Variants in CELF2 observed in about 807,000 individuals in gnomAD.
The protein encoded by CELF2 is CUG triplet repeat RNA-binding protein 2.
CELF2 carries 8 observed loss-of-function variants against 62.6 expected under a neutral mutation model. The ratio of observed to expected loss-of-function variants is 0.13; its 90% CI spans 0.07 to 0.23. The LOEUF is 0.23. CELF2 is among the 10% of genes least tolerant of loss of function. The pLI is 1.00. For missense variants in CELF2, 333 were observed against 671.0 expected (o/e 0.50, Z 5.56); for synonymous variants, 258 against 250.0 (o/e 1.03, Z -0.30).
upstream of CELF2, among the ~76,000 whole-genome samples, chr10:11,004,301 C>T (rs955082538): frequency 6.6e-6 from 1 of 152,170 alleles, no homozygotes; most frequent in East Asian, 1.9e-4. The surrounding 1 kb of genome is among the most constrained non-coding windows in gnomAD (Gnocchi z 5.0). Context: ...TCCATCCAAG[C>T]TGAGCGCATT....
intron 2 of CELF2, among the ~76,000 whole-genome samples, chr10:10,932,409 C>A (rs2066169655): frequency 6.6e-6 from 1 of 151,846 alleles, no homozygotes; most frequent in African/African-American, 2.4e-5. Context: ...ATGTTCTCAT[C>A]ACAAAAAAAG....
chr10:11,276,168 A>G (rs1398549316), intron 8 of CELF2, among the ~76,000 whole-genome samples: 1 of 151,814 alleles, frequency 6.6e-6, no homozygotes, highest in Non-Finnish European at 1.5e-5. Flanking sequence ...TTTCACTTCA[A>G]ATGAATCTGG....
the CELF2 span, among the ~76,000 whole-genome samples, chr10:10,468,985 G>C: frequency 7.2e-5 from 11 of 151,924 alleles, no homozygotes; most frequent in African/African-American, 2.7e-4. Context: ...TTTATAAAAA[G>C]TTAGTATGAA....
In CELF2 at chr10:11,223,781, T is replaced by C. The variant is rs76474129; in HGVS notation, c.354+6274T>C. On this transcript the variant is annotated intron_variant, in intron 3 of 12. Transcript: ENST00000633077. This position sits in a 1 kb window ranked among gnomAD's most constrained non-coding sequence, Gnocchi z 5.1. ...ATGGCTCCCAGCTGAGCGGTATAGA[T>C]CCAGGAGAGGATATCGGAGGATGGA... is the stretch of plus-strand genomic sequence containing the variant. Among the ~76,000 whole-genome samples the C allele has an allele frequency of 0.067, 10,172 of 152,108 alleles. 514 individuals are homozygous for C. Among genetic ancestry groups the C allele is most frequent in the African/African-American group, 0.14 (5,842 of 41,472 alleles).
Position 11,157,319 on chromosome 10 carries a change from C to T in CELF2, c.75-8167C>T, listed in dbSNP as rs562420410. ...CCTTTTTCTCCCCAGTTTTTTGTTT[C>T]GTTTCAATGCCATTGCCAACTAGGT... is the stretch of plus-strand genomic sequence containing the variant. On this transcript the variant is annotated intron_variant, in intron 1 of 12. Coordinates refer to ENST00000633077, the MANE Select transcript of CELF2 (RefSeq NM_001326342.2). This position sits in a 1 kb window ranked among gnomAD's most constrained non-coding sequence, Gnocchi z 4.9. Among the ~76,000 whole-genome samples, 23 of 152,186 alleles carry T rather than the reference C, an allele frequency of 1.5e-4. No homozygotes were observed. In the South Asian group the frequency reaches 4.6e-3, roughly 30 times the overall value.
At chr10:10,706,287 C>A in the CELF2 span, among the ~76,000 whole-genome samples, 1 of 152,174 alleles carries the variant, frequency 6.6e-6, no homozygotes, top group African/African-American at 2.4e-5. Flanking sequence ...TCACACAGTA[C>A]CTAGCTGGCA....
the CELF2 span, among the ~76,000 whole-genome samples, chr10:10,755,515 C>T: frequency 6.6e-6 from 1 of 152,222 alleles, no homozygotes; most frequent in Non-Finnish European, 1.5e-5. Context: ...CTCTGCTCTC[C>T]TGCGTCTGCT....
At chr10:10,632,242 T>C in the CELF2 span, among the ~76,000 whole-genome samples, 1 of 152,178 alleles carries the variant, frequency 6.6e-6, no homozygotes, top group African/African-American at 2.4e-5. Flanking sequence ...GAATCCCTCA[T>C]AGAGACAGAT....
the CELF2 span, among the ~76,000 whole-genome samples, chr10:10,699,580 TAGAC>T: frequency 2.6e-5 from 4 of 152,128 alleles, no homozygotes; most frequent in Non-Finnish European, 4.4e-5. Flanking sequence ...GTTATCTAGG[TAGAC>T]AGACAGTGTG....
At chr10:10,974,077 A>G (rs2051065793) in intron 2 of CELF2, among the ~76,000 whole-genome samples, 1 of 152,190 alleles carries the variant, frequency 6.6e-6, no homozygotes, top group Non-Finnish European at 1.5e-5. Context: ...CTCCCACTTT[A>G]GTTAGGGTGA....
intron 8 of CELF2, among the ~76,000 whole-genome samples, chr10:11,277,285 G>C (rs889230531): frequency 6.6e-6 from 1 of 152,160 alleles, no homozygotes; most frequent in Non-Finnish European, 1.5e-5. Flanking sequence ...CCATCAATCT[G>C]TGCACATGTT....
chr10:11,178,051 G>A lies in CELF2; in HGVS notation c.271+12369G>A, dbSNP rs2071870884. On this transcript the variant is annotated intron_variant, in intron 2 of 12. Coordinates refer to ENST00000633077, the MANE Select transcript of CELF2 (RefSeq NM_001326342.2). This position sits in a 1 kb window ranked among gnomAD's most constrained non-coding sequence, Gnocchi z 4.3. ...GAGGGTTTCAGGTGTTTGCAAAGAG[G>A]TCAGATCCCTACACATGAAACGCTG... Among the ~76,000 whole-genome samples the A allele has an allele frequency of 6.6e-6, 1 of 152,152 alleles. No individual in the cohort carries two copies. The highest frequency in any genetic ancestry group is 2.1e-4 in the South Asian group (1 of 4,822).
At chr10:10,470,225 A>G in the CELF2 span, among the ~76,000 whole-genome samples, 1 of 151,896 alleles carries the variant, frequency 6.6e-6, no homozygotes, top group South Asian at 2.1e-4. Flanking sequence ...CAGGATCTCT[A>G]GTAGTATCTC....
chr10:11,096,086 ATG>A (rs1365734913), intron 1 of CELF2, among the ~76,000 whole-genome samples: 1 of 152,232 alleles, frequency 6.6e-6, no homozygotes, highest in African/African-American at 2.4e-5. Flanking sequence ...AAGTAGCCTC[ATG>A]TTGACCTGCA....
At chr10:11,185,561 C>T (rs10437547) in intron 2 of CELF2, among the ~76,000 whole-genome samples, 22,346 of 152,010 alleles carry the variant, frequency 0.15, 2,423 homozygotes, top group African/African-American at 0.31. Context: ...ATTACAGCCA[C>T]GCGCCAACAT....
At chr10:10,968,544 A>C (rs1386944010) in intron 2 of CELF2, among the ~76,000 whole-genome samples, 1 of 152,138 alleles carries the variant, frequency 6.6e-6, no homozygotes, top group Non-Finnish European at 1.5e-5. Flanking sequence ...GTGAAGTGGG[A>C]GTGTACAGGG....
chr10:10,614,177 T>C, the CELF2 span, among the ~76,000 whole-genome samples: 2 of 151,526 alleles, frequency 1.3e-5, no homozygotes, highest in Non-Finnish European at 2.9e-5. Flanking sequence ...GATTAGCCAA[T>C]CTAGAAGGTT....
At chr10:10,601,804 A>G in the CELF2 span, among the ~76,000 whole-genome samples, 2 of 151,310 alleles carry the variant, frequency 1.3e-5, no homozygotes, top group African/African-American at 2.4e-5. Context: ...AACGTGTGCC[A>G]TGGTAATTTG....
rs1280860002 is a variant in CELF2 at position 11,284,591 on chromosome 10, G to A, written c.842-3827G>A. On this transcript the variant is annotated intron_variant, in intron 8 of 12. Transcript: ENST00000633077. ...TGGGTGGATGATGGATGGATGGTGG[G>A]TGAATGATGGATAGATAGATGGATG... 2.0e-5 allele frequency among the ~76,000 whole-genome samples: 3 copies of A among 150,402 alleles called. No homozygotes were observed. In the East Asian group the frequency reaches 5.8e-4, roughly 29 times the overall value.
Sources: gnomAD v4.1 joint callset for allele counts (sites outside exome capture counted in the v4.1 genomes callset) on GRCh38, gnomAD v4.1.1 for gene constraint, Gnocchi (gnomAD v3.1) non-coding constraint, MANE v1.5 for transcripts, NCBI Gene and HGNC (gene_info 2026-07-23, HGNC 2026-07-21) for gene names.